Variants in ANO5 observed in about 807,000 individuals in gnomAD.
ANO5 encodes anoctamin 5, also known as anoctamin-5.
Under a neutral mutation model 121.0 loss-of-function variants are expected in ANO5, and 109 were observed. That is an observed-to-expected ratio of 0.90 (90% CI 0.77 to 1.06). The LOEUF (loss-of-function observed/expected upper bound fraction) is 1.06. Ranked by LOEUF, ANO5 falls within the 50% of genes least tolerant of loss-of-function variation. The pLI is 0.00. For missense variants in ANO5, 1,064 were observed against 1,078.5 expected, an observed-to-expected ratio of 0.99 and a Z score of 0.19; for synonymous variants, 406 against 359.9, an observed-to-expected ratio of 1.13 and a Z score of -1.45.
intron 2 of ANO5, among the ~76,000 whole-genome samples, chr11:22,209,901 T>C (rs973954734): frequency 2.0e-5 from 3 of 151,908 alleles, no homozygotes; most frequent in Non-Finnish European, 4.4e-5. Flanking sequence ...TCTAGGATAA[T>C]TGGAAAAACT....
chr11:22,242,307 G>C (rs1005832654), intron 9 of ANO5, among the ~76,000 whole-genome samples: 1 of 152,078 alleles, frequency 6.6e-6, no homozygotes, highest in African/African-American at 2.4e-5. Context: ...TTTGAAGCCA[G>C]GTAGTGTGAT....
intron 5 of ANO5, among the ~76,000 whole-genome samples, chr11:22,223,161 G>T (rs562408479): frequency 6.6e-6 from 1 of 151,974 alleles, no homozygotes; most frequent in Non-Finnish European, 1.5e-5. Flanking sequence ...ATTCAGGAGT[G>T]CCAAAGACAA....
intron 14 of ANO5, 124 bp from the exon 15 acceptor site, chr11:22,259,395 G>T: frequency 4.0e-6 from 4 of 990,702 alleles, no homozygotes; most frequent in Non-Finnish European, 6.3e-6. Context: ...GACTTAGTTT[G>T]CTTTGCACAT....
At chr11:22,202,846 A>G (rs1414494620) in intron 1 of ANO5, among the ~76,000 whole-genome samples, 2 of 152,158 alleles carry the variant, frequency 1.3e-5, no homozygotes, top group African/African-American at 4.8e-5. Flanking sequence ...TTAGGAGGAC[A>G]TCCATCATTG....
chr11:22,272,666 T>G (rs1322201215), intron 18 of ANO5, 118 bp from the exon 19 acceptor site: 1 of 924,700 alleles, frequency 1.1e-6, no homozygotes. Context: ...GATGGAAGCC[T>G]GGATTGTCGT....
At position 22,279,722 on chromosome 11, in the gene ANO5, T is replaced by C. The variant is rs1395263508; in HGVS notation, c.2699T>C (p.Met900Thr). 4 of 1,612,886 alleles carry C rather than the reference T, an allele frequency of 2.5e-6. No homozygotes were observed. Among genetic ancestry groups the C allele is most frequent in the Admixed American group, 3.3e-5 (2 of 59,870 alleles). Residue 900 changes from methionine to threonine, a missense_variant, in exon 22 of 22, where the codon ATG becomes ACG. Coordinates refer to ENST00000324559, the MANE Select transcript of ANO5 (RefSeq NM_213599.3). ...INSNEFAKHV[M>T]IEENKAQLAK... ...TCTAATGAATTTGCCAAGCATGTCA[T>C]GATTGAGGAAAACAAAGCACAGCTG...
intron 15 of ANO5, 56 bp from the exon 16 acceptor site, chr11:22,262,073 G>C (rs867268080): frequency 6.4e-7 from 1 of 1,562,562 alleles, no homozygotes; most frequent in East Asian, 2.2e-5. Context: ...TAGGGAGTAC[G>C]AAGTTCAAGG....
rs1459697236 is a variant in ANO5, at chr11:22,279,659, T to C, written c.2636T>C (p.Phe879Ser). ...KLMTIKILHDFELNKLKENLG... is the reference protein window; with the variant it reads ...KLMTIKILHDSELNKLKENLG... ...ATGACTATCAAGATTCTCCATGATT[T>C]TGAGCTCAACAAATTAAAAGAGAAC... Residue 879 changes from phenylalanine to serine, a missense_variant, in exon 22 of 22, where the codon TTT (phenylalanine) becomes TCT (serine). Transcript: ENST00000324559. 7 of 1,612,840 alleles carry C rather than the reference T, an allele frequency of 4.3e-6. No individual in the cohort carries two copies. Among genetic ancestry groups the C allele is most frequent in the Non-Finnish European group, 4.2e-6 (5 of 1,179,192 alleles).
chr11:22,257,628 T>C, intron 13 of ANO5, 52 bp from the exon 14 acceptor site: 2 of 1,463,502 alleles, frequency 1.4e-6, no homozygotes, highest in Non-Finnish European at 1.9e-6. Context: ...GCTTGGAGTC[T>C]TGACTTAGAG....
Position 22,204,528 on chromosome 11 carries a change from C to T in ANO5, c.87+678C>T, listed in dbSNP as rs879361581. ...TATAAACAGGATTTAAAAAGAATTTCCAGGAATGATTGAAATTTCTGCTTG... is the reference window on the plus strand; with the variant it reads ...TATAAACAGGATTTAAAAAGAATTTTCAGGAATGATTGAAATTTCTGCTTG... On this transcript the variant is annotated intron_variant, in intron 2 of 21. Coordinates refer to ENST00000324559, the MANE Select transcript of ANO5 (RefSeq NM_213599.3). Among the ~76,000 whole-genome samples, 6 of 152,154 alleles carry T rather than the reference C, an allele frequency of 3.9e-5. No individual in the cohort carries two copies. In the South Asian group the frequency reaches 1.0e-3, roughly 26 times the overall value.
rs148436611 is a variant in ANO5, at chr11:22,218,815, G to A, written c.180+528G>A. ...TGAGCTCAAGCAATCATCTCTCCTC[G>A]GACTCTCAAAGTGCTGGGATTACAG... On this transcript the variant is annotated intron_variant, in intron 4 of 21. Transcript: ENST00000324559. Among the ~76,000 whole-genome samples, 284 of 151,916 alleles carry A rather than the reference G, an allele frequency of 1.9e-3. 2 individuals are homozygous for A. Among genetic ancestry groups the A allele is most frequent in the East Asian group, 6.4e-3 (33 of 5,130 alleles).
intron 9 of ANO5, among the ~76,000 whole-genome samples, chr11:22,247,047 C>T (rs772988797): frequency 6.6e-6 from 1 of 151,950 alleles, no homozygotes; most frequent in Non-Finnish European, 1.5e-5. Context: ...CACACAAATG[C>T]GTATTAGTTA....
chr11:22,266,564 A>G (rs12280879), intron 17 of ANO5, among the ~76,000 whole-genome samples: 20,324 of 152,056 alleles, frequency 0.13, 3,924 homozygotes, highest in African/African-American at 0.42. Context: ...TTCCTTTTCA[A>G]TTAAATGCTT....
At chr11:22,192,785 G>A (rs1300928416), upstream of ANO5, among the ~76,000 whole-genome samples, 2 of 152,220 alleles carry the variant, frequency 1.3e-5, no homozygotes, top group African/African-American at 4.8e-5. Context: ...AGTGGAAAAG[G>A]ACGTGCGAAG....
intron 12 of ANO5, among the ~76,000 whole-genome samples, chr11:22,252,688 G>C (rs1348476644): frequency 6.6e-6 from 1 of 151,730 alleles, no homozygotes; most frequent in Non-Finnish European, 1.5e-5. Context: ...TATATTACTG[G>C]TCATAAAACT....
intron 19 of ANO5, 128 bp from the exon 20 acceptor site, chr11:22,274,441 A>C (rs566907432): frequency 1.1e-6 from 1 of 875,650 alleles, no homozygotes; most frequent in African/African-American, 1.7e-5. Flanking sequence ...GCATATTACT[A>C]TGATTTATAA....
chr11:22,217,908 C>A (rs1852504197), intron 3 of ANO5, among the ~76,000 whole-genome samples: 3 of 151,758 alleles, frequency 2.0e-5, no homozygotes, highest in Admixed American at 2.0e-4. Flanking sequence ...CAAATCTGCA[C>A]TTCCTGCACA....
At chr11:22,240,928 C>G (rs1363896041) in intron 9 of ANO5, among the ~76,000 whole-genome samples, 1 of 151,818 alleles carries the variant, frequency 6.6e-6, no homozygotes, top group Admixed American at 6.6e-5. Flanking sequence ...CTATCTGATA[C>G]TATTTAGTGG....
chr11:22,195,141 T>C (rs1044348129), intron 1 of ANO5, among the ~76,000 whole-genome samples: 1 of 152,234 alleles, frequency 6.6e-6, no homozygotes, highest in African/African-American at 2.4e-5. Flanking sequence ...TAAAGTGGTA[T>C]CTCAGTGTGA....
Sources: gnomAD v4.1 joint callset for allele counts (sites outside exome capture counted in the v4.1 genomes callset) on GRCh38, gnomAD v4.1.1 for gene constraint, MANE v1.5 for transcripts, NCBI Gene and HGNC (gene_info 2026-07-23, HGNC 2026-07-21) for gene names.